WDR43: variants seen among roughly 807,000 people sequenced by gnomAD.
WDR43 encodes the protein WD repeat-containing protein 43.
A neutral mutation model predicts 91.4 loss-of-function variants in WDR43; 13 were observed. The ratio of observed to expected loss-of-function variants is 0.14; its 90% CI spans 0.09 to 0.23. The LOEUF (loss-of-function observed/expected upper bound fraction) is 0.23, where lower values mean the gene tolerates loss of function less well. WDR43 is among the 10% of genes least tolerant of loss of function. The pLI, the probability that WDR43 is intolerant of heterozygous loss-of-function variation, is 1.00. For synonymous variants in WDR43, 331 were observed against 287.9 expected, an observed-to-expected ratio of 1.15 and a Z score of -1.51; for missense variants, 780 against 809.4, an observed-to-expected ratio of 0.96 and a Z score of 0.44.
rs780172403 is a variant in WDR43, at chr2:28,942,363, A to C, written c.1786A>C (p.Lys596Gln). Residue 596 changes from lysine (K) to glutamine (Q), a missense_variant, in exon 16 of 18, where the codon AAG becomes CAG. Lys to Gln is a moderately conservative substitution (Grantham distance 53). Around this residue, in one of 4 missense-constraint regions of WDR43, gnomAD observed 426 missense variants for 467.8 expected, o/e 0.91. Coordinates refer to ENST00000407426, the MANE Select transcript of WDR43 (RefSeq NM_015131.3). ...AGCAACTTCCCCTGGACAGAAGGCA[A>C]AGTTGGTGTATGAAGAAGGTAAAGA... is the stretch of plus-strand genomic sequence containing the variant. Reference protein sequence around the residue: ...KGATSPGQKAKLVYEEESSEE... With the variant: ...KGATSPGQKAQLVYEEESSEE... 2.2e-5 allele frequency: 35 copies of C among 1,613,362 alleles called. No individual in the cohort carries two copies. The Middle Eastern group carries it at 4.9e-4, about 23-fold the overall frequency.
At position 28,926,368 on chromosome 2, in the gene WDR43, CATTT is replaced by C. The variant is rs535793017; in HGVS notation, c.1087-95_1087-92del. On this transcript the variant is annotated intron_variant, in intron 8 of 17. Transcript: ENST00000407426. ...TATTTTATAAAAATGCACAAGTAGTCATTTATTTTTCATTTTGTTCTTATTCCCA... is the reference window on the plus strand; with the variant it reads ...TATTTTATAAAAATGCACAAGTAGTCATTTTTCATTTTGTTCTTATTCCCA... 1,509 of 821,294 alleles carry C rather than the reference CATTT, an allele frequency of 1.8e-3. 3 individuals carry two copies. The highest frequency in any genetic ancestry group is 2.5e-3 in the Non-Finnish European group (1,344 of 544,864). 50.9% of individuals were successfully genotyped at this position (821,294 alleles called of 1,614,324 possible).
At position 28,947,016 on chromosome 2, in the gene WDR43, A is replaced by C; in HGVS notation, c.*237A>C. ...TAGACACATTTTCTGCAATGTACTG[A>C]CATCAGTGTCCAATATATGGTATAT... On this transcript the variant is annotated 3_prime_UTR_variant, in exon 18 of 18. Coordinates refer to ENST00000407426, the MANE Select transcript of WDR43 (RefSeq NM_015131.3). 1 of 387,824 alleles carries C rather than the reference A, an allele frequency of 2.6e-6. No individual in the cohort carries two copies. Among genetic ancestry groups the C allele is most frequent in the East Asian group, 4.3e-5 (1 of 23,262 alleles). 24.0% of individuals were successfully genotyped at this position (387,824 alleles called of 1,614,324 possible).
chr2:28,901,864 T>C (rs1670582744), intron 1 of WDR43, 123 bp from the exon 2 acceptor site: 1 of 964,480 alleles, frequency 1.0e-6, no homozygotes, highest in African/African-American at 1.7e-5. Flanking sequence ...AATCACCCAA[T>C]AGCTTCTCTC....
chr2:28,918,948 A>C (rs185562022), intron 6 of WDR43, among the ~76,000 whole-genome samples: 39 of 152,302 alleles, frequency 2.6e-4, no homozygotes, highest in African/African-American at 9.4e-4. Flanking sequence ...ATCATGTTTT[A>C]ATACTTTAAA....
intron 14 of WDR43, 57 bp from the exon 15 acceptor site, chr2:28,941,404 T>A: frequency 7.5e-7 from 1 of 1,326,712 alleles, no homozygotes; most frequent in Non-Finnish European, 1.1e-6. Flanking sequence ...GAGCATGATT[T>A]GCGTGTTCGT....
At chr2:28,929,896 A>G (rs548908823) in intron 11 of WDR43, among the ~76,000 whole-genome samples, 186 bp downstream of exon 11, 3 of 152,170 alleles carry the variant, frequency 2.0e-5, no homozygotes, top group African/African-American at 7.2e-5. Context: ...CTACAACGGG[A>G]TTGCATTGAG....
intron 1 of WDR43, among the ~76,000 whole-genome samples, chr2:28,896,896 G>A (rs913869740): frequency 6.6e-6 from 1 of 152,138 alleles, no homozygotes; most frequent in Non-Finnish European, 1.5e-5. Context: ...CTAGGTTTCA[G>A]CATCGTTTTA....
intron 14 of WDR43, among the ~76,000 whole-genome samples, chr2:28,941,235 CA>C (rs1273667184): frequency 6.6e-6 from 1 of 152,120 alleles, no homozygotes; most frequent in African/African-American, 2.4e-5. Context: ...GCCCTTATAT[CA>C]TTTTTTTTAT....
chr2:28,924,048 C>T (rs939313280), intron 7 of WDR43, among the ~76,000 whole-genome samples: 1 of 152,136 alleles, frequency 6.6e-6, no homozygotes, highest in Non-Finnish European at 1.5e-5. Flanking sequence ...AGATAGGGAT[C>T]ATGAGATGCT....
At chr2:28,941,729 C>T (rs954133339) in intron 15 of WDR43, among the ~76,000 whole-genome samples, 155 bp downstream of exon 15, 2 of 152,260 alleles carry the variant, frequency 1.3e-5, no homozygotes, top group East Asian at 1.9e-4. Context: ...CAAGTGCCTC[C>T]CAAGTAGCTG....
At chr2:28,930,198 A>C (rs1287408203) in intron 11 of WDR43, 1 of 444,084 alleles carries the variant, frequency 2.3e-6, no homozygotes, top group Non-Finnish European at 4.7e-6. Flanking sequence ...TATGTTGTAA[A>C]ATATGTAGAG....
intron 1 of WDR43, among the ~76,000 whole-genome samples, chr2:28,900,815 A>G (rs1469708691): frequency 7.9e-6 from 1 of 127,182 alleles, no homozygotes; most frequent in East Asian, 1.9e-4. Flanking sequence ...GACTTGCAAG[A>G]TGTGTATTAT....
intron 4 of WDR43, among the ~76,000 whole-genome samples, chr2:28,913,035 C>T (rs1670836043): frequency 6.7e-6 from 1 of 149,544 alleles, no homozygotes. Context: ...TCACTGCAAG[C>T]TCCGCCTCCC....
Position 28,894,689 on chromosome 2 carries a change from C to A in WDR43, c.-10C>A, listed in dbSNP as rs1258492652. On this transcript the variant is annotated 5_prime_UTR_variant, in exon 1 of 18. Transcript: ENST00000407426. ...GACGAACACGTGGCTGCAGCGGGGC[C>A]AGAGCAGCAATGGCGGCGGGCGGCG... is the stretch of plus-strand genomic sequence containing the variant. 2.6e-6 allele frequency: 4 copies of A among 1,553,868 alleles called. No individual in the cohort carries two copies. The highest frequency in any genetic ancestry group is 3.5e-6 in the Non-Finnish European group (4 of 1,148,954).
At chr2:28,943,260 C>G (rs1020815462) in intron 16 of WDR43, among the ~76,000 whole-genome samples, 1 of 150,924 alleles carries the variant, frequency 6.6e-6, no homozygotes, top group Admixed American at 6.6e-5. Context: ...GCTTCAGCCT[C>G]TAGAGTAGCT....
intron 3 of WDR43, among the ~76,000 whole-genome samples, chr2:28,910,701 T>A (rs896965137): frequency 1.8e-5 from 2 of 111,470 alleles, no homozygotes; most frequent in Non-Finnish European, 3.8e-5. Flanking sequence ...ATATAATTAT[T>A]ATTTTTATTT....
intron 16 of WDR43, among the ~76,000 whole-genome samples, chr2:28,943,045 C>G (rs1322896438): frequency 6.6e-6 from 1 of 152,094 alleles, no homozygotes; most frequent in Non-Finnish European, 1.5e-5. Flanking sequence ...TTTGAAAAAG[C>G]CAGTAGCTCT....
intron 13 of WDR43, 139 bp from the exon 14 acceptor site, chr2:28,937,792 C>G: frequency 1.3e-6 from 1 of 773,324 alleles, no homozygotes; most frequent in Middle Eastern, 3.2e-4. Context: ...GTGATATATA[C>G]ACAGTGATAT....
chr2:28,922,813 T>TTTTTGTGGTTGTG, intron 6 of WDR43, 106 bp from the exon 7 acceptor site: 1 of 483,364 alleles, frequency 2.1e-6, no homozygotes, highest in Non-Finnish European at 3.3e-6. Context: ...TTTTTTTTTT[T>TTTTTGTGGTTGTG]TCTGGTTGTG....
Sources: allele counts gnomAD v4.1 joint callset (sites outside exome capture counted in the v4.1 genomes callset), GRCh38; gene constraint gnomAD v4.1.1; regional missense constraint gnomAD v4.1.1; transcripts MANE v1.5; gene names NCBI Gene and HGNC (gene_info 2026-07-23, HGNC 2026-07-21).